TLE4: variants seen among roughly 807,000 people sequenced by gnomAD.
The protein encoded by TLE4 is TLE family member 4, transcriptional corepressor.
In TLE4, 8 loss-of-function variants were observed where a neutral mutation model predicts 92.8. The ratio of observed to expected loss-of-function variants is 0.09; its 90% confidence interval spans 0.05 to 0.16. The LOEUF is 0.16. Among genes scored for constraint, TLE4 ranks in the 10% least tolerant of loss-of-function variants. The pLI, the probability that TLE4 is intolerant of heterozygous loss-of-function variation, is 1.00. For synonymous variants in TLE4, 371 were observed against 374.1 expected, an observed-to-expected ratio of 0.99 and a Z score of 0.10; for missense variants, 675 against 997.6, an observed-to-expected ratio of 0.68 and a Z score of 4.36.
At chr9:79,573,183 G>C (rs998349976) in intron 1 of TLE4, 50 of 955,488 alleles carry the variant, frequency 5.2e-5, no homozygotes, top group Non-Finnish European at 6.1e-5. Flanking sequence ...GGGCGCCCTC[G>C]GCAGCGGCGC....
At chr9:79,653,869 T>C (rs1260313342) in intron 7 of TLE4, among the ~76,000 whole-genome samples, 190 bp from the exon 8 acceptor site, 1 of 152,198 alleles carries the variant, frequency 6.6e-6, no homozygotes, top group African/African-American at 2.4e-5. Flanking sequence ...CAAAGGTAGA[T>C]TGGTACTTTA....
chr9:79,649,927 T>G (rs1192399967), intron 6 of TLE4: 8 of 1,311,392 alleles, frequency 6.1e-6, no homozygotes, highest in Non-Finnish European at 8.0e-6. Context: ...TTTTTTGTTT[T>G]TTTTTTGAGA....
intron 8 of TLE4, among the ~76,000 whole-genome samples, chr9:79,660,916 G>A (rs1246155163): frequency 2.0e-5 from 3 of 152,102 alleles, no homozygotes; most frequent in African/African-American, 7.2e-5. Context: ...AATTAACAGG[G>A]GCGGCCTGGT....
chr9:79,643,286 A>G (rs2057514045), intron 6 of TLE4, among the ~76,000 whole-genome samples: 1 of 152,160 alleles, frequency 6.6e-6, no homozygotes, highest in Non-Finnish European at 1.5e-5. Context: ...AATTGAAAGT[A>G]AAAGGCAATC....
At chr9:79,596,305 C>G (rs932251606) in intron 4 of TLE4, among the ~76,000 whole-genome samples, 3 of 152,098 alleles carry the variant, frequency 2.0e-5, no homozygotes, top group African/African-American at 7.2e-5. Flanking sequence ...TACTTTACTA[C>G]TATATATAAA....
Position 79,708,147 on chromosome 9 carries a change from G to A in TLE4, c.966G>A (p.Lys322=). The A allele has an allele frequency of 6.2e-7, 1 of 1,614,006 alleles. No individual in the cohort carries two copies. The highest frequency in any genetic ancestry group is 8.5e-7 in the Non-Finnish European group (1 of 1,179,992). ...AAAAATCTACTACTCCCGTCTCAAA[G>A]TCCAATACCCCTACTCCACGAACTG... ...LNEKSTTPVS[K]SNTPTPRTDA... is the part of the protein sequence containing the mutation. Residue 322 remains lysine (K), a synonymous_variant, in exon 12 of 20, where the codon AAG becomes AAA. Coordinates refer to ENST00000376552, the MANE Select transcript of TLE4 (RefSeq NM_007005.6).
chr9:79,616,454 T>G (rs1172761368), intron 5 of TLE4, among the ~76,000 whole-genome samples: 2 of 152,176 alleles, frequency 1.3e-5, no homozygotes, highest in East Asian at 3.9e-4. Context: ...GTAGCAGCAG[T>G]GGAGCTCTGT....
At chr9:79,682,057 G>A (rs965874943) in intron 8 of TLE4, among the ~76,000 whole-genome samples, 12 of 152,026 alleles carry the variant, frequency 7.9e-5, no homozygotes, top group African/African-American at 2.9e-4. Context: ...CTCAGATTCA[G>A]CACATTGGCA....
chr9:79,680,066 G>T (rs2064177014), intron 8 of TLE4, among the ~76,000 whole-genome samples: 3 of 152,190 alleles, frequency 2.0e-5, no homozygotes. Flanking sequence ...CTCCGGCTTT[G>T]TTCTTTTGGC....
In TLE4 at chr9:79,579,177, T is replaced by C. The variant is rs532480208; in HGVS notation, c.252+3000T>C. On this transcript the variant is annotated intron_variant, in intron 4 of 19. Coordinates refer to ENST00000376552, the MANE Select transcript of TLE4 (RefSeq NM_007005.6). Reference sequence around the variant, plus strand: ...TGTTTTTTGTTTTGTATGAGACAGCTGACCCAGGGTTTAGTTGTTAAGTTT... The same window carrying C: ...TGTTTTTTGTTTTGTATGAGACAGCCGACCCAGGGTTTAGTTGTTAAGTTT... 1.6e-3 allele frequency among the ~76,000 whole-genome samples: 241 copies of C among 152,366 alleles called. 1 individual carries two copies. The highest frequency in any genetic ancestry group is 5.4e-3 in the African/African-American group (226 of 41,590).
chr9:79,654,159 AT>A, intron 8 of TLE4, 84 bp downstream of exon 8: 1 of 1,375,744 alleles, frequency 7.3e-7, no homozygotes, highest in Non-Finnish European at 1.0e-6. Context: ...ATTCTTTGAG[AT>A]TTAGAGAATG....
intron 14 of TLE4, among the ~76,000 whole-genome samples, chr9:79,711,426 T>A (rs781704936): frequency 6.6e-6 from 1 of 152,232 alleles, no homozygotes; most frequent in Non-Finnish European, 1.5e-5. Flanking sequence ...GGTTATACAA[T>A]TAATCAAATA....
chr9:79,573,309 C>G (rs1480713002), intron 1 of TLE4: 4 of 1,044,288 alleles, frequency 3.8e-6, no homozygotes, highest in Non-Finnish European at 3.5e-6. Context: ...CCTCCTCCCC[C>G]GGCCTGACCG....
Position 79,725,278 on chromosome 9 carries a change from T to A in TLE4, c.*134T>A. 1 of 602,122 alleles carries A rather than the reference T, an allele frequency of 1.7e-6. No individual in the cohort carries two copies. Among genetic ancestry groups the A allele is most frequent in the Non-Finnish European group, 2.9e-6 (1 of 341,232 alleles). The allele number at this position is 602,122 out of a possible 1,614,324, so 37.3% of individuals were successfully genotyped here. ...ATTGCAGTTGTGGAGTTTAATCCCC[T>A]TTCTTAACCTCACTTCCCACTTGCT... is the stretch of plus-strand genomic sequence containing the variant. On this transcript the variant is annotated 3_prime_UTR_variant, in exon 20 of 20. Coordinates refer to ENST00000376552, the MANE Select transcript of TLE4 (RefSeq NM_007005.6).
At chr9:79,682,709 G>C (rs1434590278) in intron 8 of TLE4, among the ~76,000 whole-genome samples, 2 of 152,110 alleles carry the variant, frequency 1.3e-5, no homozygotes, top group African/African-American at 2.4e-5. Context: ...AACAATTTAG[G>C]ACCTTTCCCC....
intron 4 of TLE4, among the ~76,000 whole-genome samples, chr9:79,580,767 T>C (rs148499066): frequency 2.0e-3 from 305 of 152,062 alleles, no homozygotes; most frequent in African/African-American, 5.7e-3. Flanking sequence ...ATAATGAGAG[T>C]GAACTATCAT....
chr9:79,670,757 G>T (rs1469667586), intron 8 of TLE4, among the ~76,000 whole-genome samples: 1 of 152,080 alleles, frequency 6.6e-6, no homozygotes, highest in Non-Finnish European at 1.5e-5. Flanking sequence ...CAGGTGGTCT[G>T]GGTTCAAATC....
chr9:79,667,604 A>G (rs1588028323), intron 8 of TLE4, among the ~76,000 whole-genome samples: 1 of 152,272 alleles, frequency 6.6e-6, no homozygotes, highest in African/African-American at 2.4e-5. Flanking sequence ...GTATGTTTTT[A>G]AAATACTCCA....
intron 8 of TLE4, among the ~76,000 whole-genome samples, chr9:79,691,689 C>T (rs1246763219): frequency 1.3e-5 from 2 of 152,126 alleles, no homozygotes; most frequent in African/African-American, 4.8e-5. Context: ...ATGTGTTATT[C>T]CCTCTTTCTA....
Sources: gnomAD v4.1 joint callset for allele counts (sites outside exome capture counted in the v4.1 genomes callset) on GRCh38, gnomAD v4.1.1 for gene constraint, MANE v1.5 for transcripts, NCBI Gene and HGNC (gene_info 2026-07-23, HGNC 2026-07-21) for gene names.